Variants in CNTN6 observed in about 807,000 individuals in gnomAD.
CNTN6 encodes contactin-6.
CNTN6 carries 137 observed loss-of-function variants against 122.8 expected under a neutral mutation model. That is an observed-to-expected ratio of 1.12 (90% CI 0.97 to 1.29). The LOEUF (loss-of-function observed/expected upper bound fraction) is 1.29. CNTN6 is among the 50% of genes most tolerant of loss of function. The pLI is 0.00. For missense variants in CNTN6, 1,634 were observed against 1,223.4 expected (o/e 1.34, Z -5.01); for synonymous variants, 570 against 426.0 (o/e 1.34, Z -4.16).
At position 1,380,349 on chromosome 3, in the gene CNTN6, GTTTA is replaced by G. The variant is rs527441514; in HGVS notation, c.2167-2589_2167-2586del. Among the ~76,000 whole-genome samples the G allele has an allele frequency of 4.3e-3, 647 of 151,996 alleles. 2 individuals are homozygous for G. Among genetic ancestry groups the G allele is most frequent in the African/African-American group, 0.014 (599 of 41,464 alleles). On this transcript the variant is annotated intron_variant, in intron 17 of 22. Transcript: ENST00000446702. Reference sequence around the variant, plus strand: ...GCCACACAATAAATGTAGATTTTTTGTTTATTTGTTTTGATTTGGTTTGTTTCCA... The same window carrying G: ...GCCACACAATAAATGTAGATTTTTTGTTTGTTTTGATTTGGTTTGTTTCCA...
intron 2 of CNTN6, among the ~76,000 whole-genome samples, chr3:1,150,685 T>C (rs1395235469): frequency 6.6e-6 from 1 of 152,208 alleles, no homozygotes; most frequent in Admixed American, 6.5e-5. Context: ...ACTGTTTCAT[T>C]GATATGCATG....
intron 7 of CNTN6, among the ~76,000 whole-genome samples, chr3:1,319,332 G>C (rs567723662): frequency 1.7e-4 from 26 of 151,714 alleles, no homozygotes; most frequent in African/African-American, 5.5e-4. Flanking sequence ...ATGAATCCCA[G>C]CTCCGCCTCT....
intron 2 of CNTN6, among the ~76,000 whole-genome samples, chr3:1,170,608 G>A (rs960028571): frequency 1.3e-5 from 2 of 152,090 alleles, no homozygotes; most frequent in Non-Finnish European, 2.9e-5. Context: ...TTCATTTTTT[G>A]TATTGTTTGT....
At chr3:1,295,575 G>C (rs759932241) in intron 5 of CNTN6, 26 bp from the exon 6 acceptor site, 3 of 1,590,878 alleles carry the variant, frequency 1.9e-6, no homozygotes, top group Non-Finnish European at 2.6e-6. Flanking sequence ...GTTTTGTTTT[G>C]TTTTGTTTTG....
At chr3:1,402,624 G>T (rs1466664404) in intron 22 of CNTN6, 138 bp downstream of exon 22, 2 of 661,484 alleles carry the variant, frequency 3.0e-6, no homozygotes, top group African/African-American at 3.7e-5. Flanking sequence ...AAAAGGTGAT[G>T]AGCCATTTTT....
chr3:1,328,401 G>C (rs1448925147), intron 10 of CNTN6, among the ~76,000 whole-genome samples: 1 of 151,698 alleles, frequency 6.6e-6, no homozygotes, highest in Non-Finnish European at 1.5e-5. Context: ...AGAGAGGAAG[G>C]ATCAAACAAC....
At chr3:1,093,619 G>T (rs1423228233) in intron 1 of CNTN6, among the ~76,000 whole-genome samples, 1 of 151,968 alleles carries the variant, frequency 6.6e-6, no homozygotes, top group Non-Finnish European at 1.5e-5. Context: ...TCCTAGGGGA[G>T]AATTTGGTAA....
rs748011319 is a variant in CNTN6 at position 1,372,876 on chromosome 3, A to G, written c.1707A>G (p.Leu569=). 6.2e-7 allele frequency: 1 copy of G among 1,609,454 alleles called. No homozygotes were observed. The highest frequency in any genetic ancestry group is 2.2e-5 in the East Asian group (1 of 44,748). The change falls in exon 14 of 23, where the codon TTA becomes TTG. Residue 569 remains leucine, a synonymous_variant. Transcript: ENST00000446702. Reference sequence around the variant, plus strand: ...ATTTGATGATAAGGAATATTCAGTTACATCATTCAGGAAAATATCTCTGCA... The same window carrying G: ...ATTTGATGATAAGGAATATTCAGTTGCATCATTCAGGAAAATATCTCTGCA... ...VGDLMIRNIQ[L]HHSGKYLCTV... is the part of the protein sequence containing the mutation.
chr3:1,124,974 C>A (rs1039600897), intron 1 of CNTN6, among the ~76,000 whole-genome samples: 14 of 151,904 alleles, frequency 9.2e-5, no homozygotes, highest in Non-Finnish European at 1.8e-4. Context: ...AGACCCAGAT[C>A]AGTGCCAGTC....
chr3:1,187,977 C>T (rs2093652521), intron 2 of CNTN6, among the ~76,000 whole-genome samples: 1 of 152,246 alleles, frequency 6.6e-6, no homozygotes, highest in Middle Eastern at 3.4e-3. Context: ...CACCACCTTC[C>T]TTGGAGGACA....
chr3:1,222,265 T>C (rs1320278605), intron 3 of CNTN6, among the ~76,000 whole-genome samples: 1 of 152,188 alleles, frequency 6.6e-6, no homozygotes, highest in Non-Finnish European at 1.5e-5. Flanking sequence ...TTTTCTTAAA[T>C]GATGAGCTGT....
Position 1,321,669 on chromosome 3 carries a change from T to A in CNTN6, c.781T>A (p.Trp261Arg), listed in dbSNP as rs764366384. ...GTTTAGTCCAGTCCCCGATATTAGT[T>A]GGAGAAGGTTGGACGGGAGCCCGTT... is the stretch of plus-strand genomic sequence containing the variant. ...ALGNPVPDIS[W>R]RRLDGSPLPG... Residue 261 changes from tryptophan to arginine, a missense_variant, in exon 8 of 23, where the codon TGG (tryptophan) becomes AGG (arginine). Transcript: ENST00000446702. 1 of 1,611,246 alleles carries A rather than the reference T, an allele frequency of 6.2e-7. No individual in the cohort carries two copies. Among genetic ancestry groups the A allele is most frequent in the Non-Finnish European group, 8.5e-7 (1 of 1,178,268 alleles).
In CNTN6 at chr3:1,118,759, C is replaced by A. The variant is rs146461500; in HGVS notation, c.-83+25639C>A. Among the ~76,000 whole-genome samples the A allele has an allele frequency of 4.6e-3, 698 of 152,186 alleles. 5 individuals are homozygous for A. The highest frequency in any genetic ancestry group is 0.016 in the African/African-American group (646 of 41,530). ...ATGGAAATTATTTTGGCAACTCCAG[C>A]AGACATCTGAGAGATAAGCATAGCT... On this transcript the variant is annotated intron_variant, in intron 1 of 22. Coordinates refer to ENST00000446702, the MANE Select transcript of CNTN6 (RefSeq NM_001289080.2).
At chr3:1,393,455 C>T (rs1203923043) in intron 20 of CNTN6, among the ~76,000 whole-genome samples, 2 of 138,704 alleles carry the variant, frequency 1.4e-5, no homozygotes, top group African/African-American at 5.4e-5. Flanking sequence ...ATACCTAATG[C>T]TAGATGACGA....
chr3:1,286,789 G>C (rs577778432), intron 5 of CNTN6, among the ~76,000 whole-genome samples: 39 of 152,072 alleles, frequency 2.6e-4, no homozygotes, highest in Admixed American at 9.8e-4. Flanking sequence ...ATCTCACATG[G>C]AGACCCATCT....
At chr3:1,192,961 T>C (rs1031015400) in intron 2 of CNTN6, among the ~76,000 whole-genome samples, 12 of 152,172 alleles carry the variant, frequency 7.9e-5, no homozygotes, top group African/African-American at 2.9e-4. Flanking sequence ...ATAAGAATCC[T>C]AGGGCCTAGA....
chr3:1,221,421 A>T (rs2094206261), intron 3 of CNTN6, among the ~76,000 whole-genome samples: 1 of 152,196 alleles, frequency 6.6e-6, no homozygotes, highest in Non-Finnish European at 1.5e-5. Flanking sequence ...GGATATCTAG[A>T]TTTATTTCAT....
At chr3:1,345,428 A>G (rs568826674) in intron 11 of CNTN6, among the ~76,000 whole-genome samples, 3 of 152,226 alleles carry the variant, frequency 2.0e-5, no homozygotes, top group African/African-American at 7.2e-5. Flanking sequence ...ACAATTACTT[A>G]TAATTAAAGT....
chr3:1,165,866 C>T (rs528455487), intron 2 of CNTN6, among the ~76,000 whole-genome samples: 5 of 152,294 alleles, frequency 3.3e-5, no homozygotes, highest in Admixed American at 1.3e-4. Flanking sequence ...TGCCTTTCTT[C>T]GAGCACTCCC....
Sources: allele counts gnomAD v4.1 joint callset (sites outside exome capture counted in the v4.1 genomes callset), GRCh38; gene constraint gnomAD v4.1.1; transcripts MANE v1.5; gene names NCBI Gene and HGNC (gene_info 2026-07-23, HGNC 2026-07-21).